MAST4: variants seen among roughly 807,000 people sequenced by gnomAD.
MAST4 encodes microtubule-associated serine/threonine-protein kinase 4.
A neutral mutation model predicts 162.7 loss-of-function variants in MAST4; 89 were observed. The ratio of observed to expected loss-of-function variants is 0.55; its 90% CI spans 0.46 to 0.65. MAST4 has a LOEUF of 0.65. Among genes scored for constraint, MAST4 ranks in the 30% least tolerant of loss-of-function variants. The probability of loss-of-function intolerance (pLI) is 0.00; values close to 1 mark genes in which losing one functional copy is unlikely to be tolerated. For synonymous variants in MAST4, 1,479 were observed against 1,361.1 expected (o/e 1.09, Z -1.91); for missense variants, 3,153 against 3,374.0 (o/e 0.93, Z 1.62).
At chr5:66,716,951 C>T (rs1251971181) in intron 1 of MAST4, among the ~76,000 whole-genome samples, 1 of 152,190 alleles carries the variant, frequency 6.6e-6, no homozygotes, top group African/African-American at 2.4e-5. Context: ...GTGCATTATG[C>T]ATGGGTCTCA....
chr5:66,906,417 G>C (rs1047633084), intron 4 of MAST4, among the ~76,000 whole-genome samples: 1 of 152,166 alleles, frequency 6.6e-6, no homozygotes, highest in Non-Finnish European at 1.5e-5. Flanking sequence ...TTATTCCTCT[G>C]AGAGTGGTTG....
chr5:66,856,902 A>G (rs1269845218), intron 3 of MAST4, among the ~76,000 whole-genome samples: 1 of 152,252 alleles, frequency 6.6e-6, no homozygotes, highest in Non-Finnish European at 1.5e-5. Flanking sequence ...AATAACATAG[A>G]GAATGATATA....
At chr5:66,750,715 G>C (rs1441887004) in intron 1 of MAST4, among the ~76,000 whole-genome samples, 1 of 152,228 alleles carries the variant, frequency 6.6e-6, no homozygotes, top group Non-Finnish European at 1.5e-5. Flanking sequence ...AGCGAGGCTG[G>C]GGGAGGGGCA....
intron 2 of MAST4, among the ~76,000 whole-genome samples, chr5:66,765,846 A>G (rs1450556385): frequency 1.3e-5 from 2 of 152,182 alleles, no homozygotes; most frequent in Non-Finnish European, 2.9e-5. Flanking sequence ...CGAGAAAATA[A>G]CCAGTGCCCT....
chr5:67,093,883 T>G (rs1474132589), intron 6 of MAST4, among the ~76,000 whole-genome samples: 1 of 152,196 alleles, frequency 6.6e-6, no homozygotes, highest in Non-Finnish European at 1.5e-5. Context: ...TGGAGGTGTT[T>G]AAAATATATA....
At chr5:67,154,696 T>C (rs1389689321) in intron 26 of MAST4, among the ~76,000 whole-genome samples, 2 of 152,170 alleles carry the variant, frequency 1.3e-5, no homozygotes, top group South Asian at 2.1e-4. Context: ...TGGAGAGCCA[T>C]TGGCACCCTT....
chr5:66,675,018 C>T lies in MAST4; in HGVS notation c.363+78000C>T, dbSNP rs1747854406. ...GGGAATGGAGGCATTAGAAGGCTGCCACAGTGCCCCTGCTATAGGACAGTC... is the reference window on the plus strand; with the variant it reads ...GGGAATGGAGGCATTAGAAGGCTGCTACAGTGCCCCTGCTATAGGACAGTC... On this transcript the variant is annotated intron_variant, in intron 1 of 28. Coordinates refer to ENST00000403625, the MANE Select transcript of MAST4 (RefSeq NM_001164664.2). 1.3e-5 allele frequency among the ~76,000 whole-genome samples: 2 copies of T among 152,164 alleles called. 1 individual carries two copies. Among genetic ancestry groups the T allele is most frequent in the Non-Finnish European group, 2.9e-5 (2 of 68,026 alleles).
intron 12 of MAST4, among the ~76,000 whole-genome samples, chr5:67,117,645 A>G (rs1455189023): frequency 6.6e-6 from 1 of 152,022 alleles, no homozygotes; most frequent in Admixed American, 6.5e-5. Context: ...GAAAAATTGG[A>G]AAGTACAAGT....
At chr5:66,870,216 G>A (rs1760827529) in intron 3 of MAST4, among the ~76,000 whole-genome samples, 1 of 152,174 alleles carries the variant, frequency 6.6e-6, no homozygotes, top group African/African-American at 2.4e-5. Flanking sequence ...AAAATACAAT[G>A]TGCATTTAGG....
Position 67,054,408 on chromosome 5 carries a change from C to G in MAST4, c.679C>G (p.Arg227Gly). 1.9e-6 allele frequency: 3 copies of G among 1,601,408 alleles called. No homozygotes were observed. The change falls in exon 5 of 29, where the codon CGA becomes GGA. Residue 227 changes from arginine to glycine, a missense_variant. Around this residue, in one of 7 missense-constraint regions of MAST4, gnomAD observed 327 missense variants for 336.5 expected, o/e 0.97. Coordinates refer to ENST00000403625, the MANE Select transcript of MAST4 (RefSeq NM_001164664.2). ...LSLPRRGSFCRTSNRKSLIGN... is the reference protein window; with the variant it reads ...LSLPRRGSFCGTSNRKSLIGN... ...TTTTTTCTTTCTTTTTGATAGTTGC[C>G]GAACAAGCAACCGGAAAAGCTTAAT... is the stretch of plus-strand genomic sequence containing the variant.
intron 26 of MAST4, among the ~76,000 whole-genome samples, chr5:67,159,186 G>A (rs762751893): frequency 2.6e-5 from 4 of 152,120 alleles, no homozygotes; most frequent in Non-Finnish European, 5.9e-5. Context: ...ATTATATAAT[G>A]TGCAATGAAA....
At chr5:66,720,208 A>G (rs949711135) in intron 1 of MAST4, among the ~76,000 whole-genome samples, 8 of 152,156 alleles carry the variant, frequency 5.3e-5, no homozygotes, top group African/African-American at 1.9e-4. Flanking sequence ...ATTTAACAAT[A>G]TGGTCACATA....
At chr5:66,947,938 CTT>C (rs1265504844) in intron 4 of MAST4, among the ~76,000 whole-genome samples, 3 of 152,072 alleles carry the variant, frequency 2.0e-5, no homozygotes, top group Non-Finnish European at 4.4e-5. Flanking sequence ...TGCCTGGAGA[CTT>C]TTTAAAAAAT....
At chr5:66,797,740 A>G (rs571361224) in intron 3 of MAST4, among the ~76,000 whole-genome samples, 1 of 152,304 alleles carries the variant, frequency 6.6e-6, no homozygotes, top group Admixed American at 6.5e-5. Flanking sequence ...TGCAACTTGA[A>G]CTGAATGTTA....
At chr5:66,737,967 A>G (rs1752249466) in intron 1 of MAST4, 1 of 152,194 alleles carries the variant, frequency 6.6e-6, no homozygotes, top group South Asian at 2.1e-4. Flanking sequence ...GAGTTGTTCC[A>G]AATTAGAACG....
intron 4 of MAST4, among the ~76,000 whole-genome samples, chr5:66,922,886 C>T (rs557409676): frequency 6.6e-6 from 1 of 152,174 alleles, no homozygotes; most frequent in East Asian, 1.9e-4. Flanking sequence ...TTTAGGGCGG[C>T]ACATGTTCCC....
intron 12 of MAST4, among the ~76,000 whole-genome samples, chr5:67,118,393 T>G (rs1248118294): frequency 6.6e-6 from 1 of 152,202 alleles, no homozygotes; most frequent in Non-Finnish European, 1.5e-5. Flanking sequence ...CACCGAAGCC[T>G]TTCCAAGCTG....
intron 4 of MAST4, among the ~76,000 whole-genome samples, chr5:66,988,465 T>C (rs1749742889): frequency 6.6e-6 from 1 of 152,184 alleles, no homozygotes; most frequent in Non-Finnish European, 1.5e-5. Context: ...TAGTATAAAA[T>C]AACAGTAACA....
intron 12 of MAST4, among the ~76,000 whole-genome samples, chr5:67,115,339 T>C (rs1766769845): frequency 6.6e-6 from 1 of 152,236 alleles, no homozygotes; most frequent in South Asian, 2.1e-4. Flanking sequence ...TGTTAAATTG[T>C]TTGTAATGGT....
Sources: allele counts gnomAD v4.1 joint callset (sites outside exome capture counted in the v4.1 genomes callset), GRCh38; gene constraint gnomAD v4.1.1; regional missense constraint gnomAD v4.1.1; transcripts MANE v1.5; gene names NCBI Gene and HGNC (gene_info 2026-07-23, HGNC 2026-07-21).